HMBOX1: variants seen among roughly 807,000 people sequenced by gnomAD.
HMBOX1 encodes homeobox containing 1, also known as homeobox-containing protein 1.
HMBOX1 carries 14 observed loss-of-function variants against 54.5 expected under a neutral mutation model. That is an observed-to-expected ratio of 0.26 (90% CI 0.17 to 0.40). The LOEUF (loss-of-function observed/expected upper bound fraction) is 0.40. Among genes scored for constraint, HMBOX1 ranks in the 10% least tolerant of loss-of-function variants. The pLI is 1.00. For missense variants in HMBOX1, 332 were observed against 514.4 expected (o/e 0.65, Z 3.43); for synonymous variants, 160 against 181.0 (o/e 0.88, Z 0.93).
intron 4 of HMBOX1, among the ~76,000 whole-genome samples, chr8:28,994,001 C>CA (rs1831387839): frequency 1.3e-5 from 2 of 151,970 alleles, no homozygotes; most frequent in Admixed American, 6.6e-5. Flanking sequence ...AAACCTGTCT[C>CA]TACTAAAAAT....
intron 1 of HMBOX1, among the ~76,000 whole-genome samples, chr8:28,957,357 G>T (rs1824645747): frequency 6.6e-6 from 1 of 152,104 alleles, no homozygotes; most frequent in South Asian, 2.1e-4. Flanking sequence ...GCTAAACTTT[G>T]GGTACACGTG....
At chr8:29,041,326 G>A (rs1270023250) in intron 6 of HMBOX1, among the ~76,000 whole-genome samples, 5 of 152,106 alleles carry the variant, frequency 3.3e-5, no homozygotes, top group South Asian at 2.1e-4. Flanking sequence ...TTCAAGATCC[G>A]TTTTGCAATA....
intron 6 of HMBOX1, among the ~76,000 whole-genome samples, chr8:29,040,171 A>T (rs937907048): frequency 6.6e-6 from 1 of 152,184 alleles, no homozygotes; most frequent in African/African-American, 2.4e-5. Flanking sequence ...TAATTAGAAG[A>T]TAGATGCATT....
intron 7 of HMBOX1, chr8:29,046,328 T>C (rs1210761978): frequency 2.0e-5 from 3 of 152,120 alleles, no homozygotes; most frequent in African/African-American, 7.2e-5. Flanking sequence ...CCCTGGAACA[T>C]TTTGCCCCCG....
intron 4 of HMBOX1, among the ~76,000 whole-genome samples, chr8:28,988,349 G>A (rs1382674960): frequency 2.6e-5 from 4 of 152,326 alleles, no homozygotes; most frequent in Admixed American, 2.6e-4. Flanking sequence ...CATTTGGATT[G>A]TTTCCAGGGC....
chr8:28,996,304 A>G (rs1175639003), intron 4 of HMBOX1, among the ~76,000 whole-genome samples: 1 of 151,946 alleles, frequency 6.6e-6, no homozygotes, highest in Non-Finnish European at 1.5e-5. Flanking sequence ...ACGTAGACAC[A>G]CGTGAGTAAT....
chr8:28,995,875 G>A (rs1831741143), intron 4 of HMBOX1, among the ~76,000 whole-genome samples: 1 of 152,132 alleles, frequency 6.6e-6, no homozygotes, highest in South Asian at 2.1e-4. Context: ...GGCCGCGGCG[G>A]GTGGATCACA....
chr8:28,898,043 A>T (rs1392057247), intron 1 of HMBOX1, among the ~76,000 whole-genome samples: 1 of 152,232 alleles, frequency 6.6e-6, no homozygotes, highest in African/African-American at 2.4e-5. Context: ...CAGCCATATG[A>T]TTATAAAGCC....
chr8:28,906,333 G>A (rs2131616275), intron 1 of HMBOX1, among the ~76,000 whole-genome samples: 1 of 152,264 alleles, frequency 6.6e-6, no homozygotes, highest in Admixed American at 6.5e-5. Context: ...AGATTACTTG[G>A]AGCAGCATGC....
At chr8:28,897,906 G>C (rs1812477486) in intron 1 of HMBOX1, among the ~76,000 whole-genome samples, 1 of 152,146 alleles carries the variant, frequency 6.6e-6, no homozygotes, top group African/African-American at 2.4e-5. Flanking sequence ...TTTAAAGGAA[G>C]TTAGTTCAAA....
At chr8:29,009,293 A>G in intron 5 of HMBOX1, 111 bp downstream of exon 5, 6 of 1,073,774 alleles carry the variant, frequency 5.6e-6, no homozygotes, top group South Asian at 1.6e-5. Flanking sequence ...ATACTTTACT[A>G]TGGTTGCTTT....
chr8:28,937,830 T>C (rs1399163813), intron 1 of HMBOX1, among the ~76,000 whole-genome samples: 1 of 152,220 alleles, frequency 6.6e-6, no homozygotes, highest in African/African-American at 2.4e-5. Context: ...GTTTTGAAGG[T>C]GAAGCATGTG....
intron 5 of HMBOX1, chr8:29,009,736 AT>A: frequency 7.8e-7 from 1 of 1,286,588 alleles, no homozygotes; most frequent in Non-Finnish European, 1.0e-6. Context: ...GGAAAGCAGA[AT>A]GAAATCTTAA....
intron 1 of HMBOX1, among the ~76,000 whole-genome samples, chr8:28,943,681 GA>G (rs1821876180): frequency 6.6e-6 from 1 of 152,118 alleles, no homozygotes; most frequent in South Asian, 2.1e-4. Flanking sequence ...ACTTTTCATA[GA>G]GACATAAGTA....
intron 1 of HMBOX1, among the ~76,000 whole-genome samples, chr8:28,953,428 T>TA (rs1823864391): frequency 6.6e-6 from 1 of 152,296 alleles, no homozygotes; most frequent in East Asian, 1.9e-4. Flanking sequence ...ATTTTAGCTT[T>TA]AAAAAACATA....
intron 5 of HMBOX1, chr8:29,009,507 G>A (rs778930326): frequency 1.2e-4 from 104 of 838,872 alleles, no homozygotes; most frequent in Non-Finnish European, 1.4e-4. Context: ...ACATAACTAC[G>A]TAAGATTCCG....
intron 6 of HMBOX1, among the ~76,000 whole-genome samples, chr8:29,044,239 AT>A (rs776022978): frequency 5.3e-5 from 8 of 152,296 alleles, no homozygotes; most frequent in Non-Finnish European, 1.0e-4. Context: ...TGCTGAAGGC[AT>A]AAGAAAGGCT....
At chr8:29,001,701 G>T (rs150130866) in intron 4 of HMBOX1, among the ~76,000 whole-genome samples, 10 of 151,866 alleles carry the variant, frequency 6.6e-5, no homozygotes, top group Non-Finnish European at 2.9e-5. Context: ...TATCACATGC[G>T]TCTGTATATT....
chr8:28,938,498 G>C (rs940793611), intron 1 of HMBOX1, among the ~76,000 whole-genome samples: 1 of 152,070 alleles, frequency 6.6e-6, no homozygotes, highest in Non-Finnish European at 1.5e-5. Flanking sequence ...GAATACAGTG[G>C]CACGATCATA....
Sources: gnomAD v4.1 joint callset for allele counts (sites outside exome capture counted in the v4.1 genomes callset) on GRCh38, gnomAD v4.1.1 for gene constraint, MANE v1.5 for transcripts, NCBI Gene and HGNC (gene_info 2026-07-23, HGNC 2026-07-21) for gene names.